CRYM: variants seen among roughly 807,000 people sequenced by gnomAD.
CRYM encodes the protein crystallin mu, also known as ketimine reductase mu-crystallin.
A neutral mutation model predicts 32.9 loss-of-function variants in CRYM; 18 were observed. The ratio of observed to expected loss-of-function variants is 0.55; its 90% confidence interval spans 0.38 to 0.81. The LOEUF is 0.81. Ranked by LOEUF, CRYM falls within the 30% of genes least tolerant of loss-of-function variation. CRYM has a pLI of 0.00. For synonymous variants in CRYM, 153 were observed against 152.4 expected (o/e 1.00, Z -0.03); for missense variants, 337 against 393.5 (o/e 0.86, Z 1.21).
chr16:21,279,317 C>A (rs1316003424), upstream of CRYM, among the ~76,000 whole-genome samples: 4 of 152,178 alleles, frequency 2.6e-5, no homozygotes, highest in East Asian at 7.7e-4. Context: ...AAATTTAGTT[C>A]AAGGTCATCC....
intron 5 of CRYM, among the ~76,000 whole-genome samples, chr16:21,263,775 C>T (rs2093358919): frequency 6.6e-6 from 1 of 152,168 alleles, no homozygotes; most frequent in Non-Finnish European, 1.5e-5. Context: ...TGAAAATGAA[C>T]AAAGCTGGTC....
upstream of CRYM, chr16:21,278,679 T>C (rs2093392680): frequency 4.6e-6 from 1 of 218,970 alleles, no homozygotes; most frequent in African/African-American, 2.4e-5. Context: ...CTTTATTTAT[T>C]AAATTACTGC....
intron 1 of CRYM, among the ~76,000 whole-genome samples, chr16:21,288,780 T>C (rs1960538731): frequency 1.3e-5 from 2 of 152,182 alleles, no homozygotes; most frequent in Non-Finnish European, 2.9e-5. Flanking sequence ...AGTTTTGGTA[T>C]ACCATATTTT....
intron 2 of CRYM, among the ~76,000 whole-genome samples, chr16:21,276,681 G>C (rs2093387257): frequency 1.3e-5 from 2 of 152,154 alleles, no homozygotes; most frequent in African/African-American, 4.8e-5. Flanking sequence ...CTCCTTCTTG[G>C]CACATAAGTG....
intron 1 of CRYM, among the ~76,000 whole-genome samples, chr16:21,296,410 A>C (rs186337238): frequency 2.2e-4 from 33 of 152,376 alleles, no homozygotes; most frequent in Middle Eastern, 6.8e-3. Context: ...AACAATTATG[A>C]AAGCAGTCCA....
intron 1 of CRYM, among the ~76,000 whole-genome samples, chr16:21,293,769 T>C (rs1239338228): frequency 6.6e-6 from 1 of 152,176 alleles, no homozygotes; most frequent in Non-Finnish European, 1.5e-5. Flanking sequence ...ACTGTATTAA[T>C]AGAAGAAGAT....
At chr16:21,288,124 G>A (rs950188250) in intron 1 of CRYM, among the ~76,000 whole-genome samples, 4 of 152,222 alleles carry the variant, frequency 2.6e-5, no homozygotes, top group Admixed American at 2.6e-4. Flanking sequence ...AGGACACCCA[G>A]TTGGGGTGTC....
chr16:21,258,973 G>C (rs2152860873), intron 7 of CRYM, 128 bp from the exon 8 acceptor site: 1 of 741,586 alleles, frequency 1.3e-6, no homozygotes, highest in Non-Finnish European at 2.4e-6. Context: ...AACAGGGACT[G>C]ATACCCAGAG....
intron 5 of CRYM, 73 bp from the exon 6 acceptor site, chr16:21,262,231 G>A (rs925625118): frequency 3.1e-6 from 5 of 1,600,544 alleles, no homozygotes; most frequent in South Asian, 1.1e-5. Context: ...AAGCACAGGA[G>A]AGAGGTGAAC....
upstream of CRYM, among the ~76,000 whole-genome samples, chr16:21,280,958 A>T (rs986137548): frequency 2.0e-5 from 3 of 152,016 alleles, no homozygotes; most frequent in African/African-American, 7.2e-5. Context: ...TACAAAAATT[A>T]GCCAGGTGTG....
rs1287241346 is a variant in CRYM at position 21,267,561 on chromosome 16, G to A, written c.666C>T (p.His222=). The change falls in exon 5 of 8, where the codon CAC becomes CAT. Residue 222 remains histidine (H), a synonymous_variant. Coordinates refer to ENST00000572914, the MANE Select transcript of CRYM (RefSeq NM_001376256.1). ...TGGAGCCACTCTACTTACCATTGAT[G>A]TGAGCCCCTGGCTTCACCCATTCAC... ...LFGEWVKPGA[H]INAVGASRPD... is the part of the protein sequence containing the mutation. 1 of 1,613,664 alleles carries A rather than the reference G, an allele frequency of 6.2e-7. No homozygotes were observed. Among genetic ancestry groups the A allele is most frequent in the Admixed American group, 1.7e-5 (1 of 60,020 alleles).
intron 4 of CRYM, among the ~76,000 whole-genome samples, chr16:21,269,454 G>T (rs1034169470): frequency 1.3e-5 from 2 of 152,074 alleles, no homozygotes; most frequent in East Asian, 3.9e-4. Flanking sequence ...TAAAAACTCT[G>T]GATTCTCCTA....
In CRYM at chr16:21,277,477, T is replaced by A. The variant is rs1339610903; in HGVS notation, c.278A>T (p.Gln93Leu). Residue 93 changes from glutamine to leucine, a missense_variant, in exon 2 of 8, where the codon CAG becomes CTG. By Grantham distance (113) the Gln-to-Leu change is moderately radical. Transcript: ENST00000572914. This position sits in a 1 kb window ranked among gnomAD's most constrained non-coding sequence, Gnocchi z 4.2. ...GGGCTCAAAGAGTAGCACAGTAGCC[T>A]GGTGGGAAGGGACGACCGAGGTGAT... is the stretch of plus-strand genomic sequence containing the variant. The part of the protein sequence containing the change: ...RGITSVVPSH[Q>L]ATVLLFEPSN... 1 of 1,613,822 alleles carries A rather than the reference T, an allele frequency of 6.2e-7. No individual in the cohort carries two copies. Among genetic ancestry groups the A allele is most frequent in the Non-Finnish European group, 8.5e-7 (1 of 1,179,988 alleles).
At chr16:21,280,084 A>G (rs2093395567), upstream of CRYM, among the ~76,000 whole-genome samples, 1 of 152,206 alleles carries the variant, frequency 6.6e-6, no homozygotes, top group Non-Finnish European at 1.5e-5. Context: ...GGGTTTAGAA[A>G]GCACAGACAT....
chr16:21,260,456 C>T (rs1036316272), intron 7 of CRYM, among the ~76,000 whole-genome samples: 8 of 152,152 alleles, frequency 5.3e-5, no homozygotes, highest in African/African-American at 1.7e-4. Flanking sequence ...TGCACCACCA[C>T]GCCTGGCTAA....
At chr16:21,278,884 G>T (rs796808966), upstream of CRYM, 3 of 152,452 alleles carry the variant, frequency 2.0e-5, no homozygotes, top group African/African-American at 7.2e-5. Flanking sequence ...AAGGGGGGAA[G>T]TTTGCAGGGC....
At chr16:21,259,940 A>G (rs10775268) in intron 7 of CRYM, among the ~76,000 whole-genome samples, 143,055 of 152,330 alleles carry the variant, frequency 0.94, 67,268 homozygotes, top group East Asian at 1. Flanking sequence ...TCCTTAAGTA[A>G]GGGCTGGCTG....
chr16:21,278,210 C>T lies in CRYM; in HGVS notation c.42G>A (p.Glu14=). 1.3e-6 allele frequency: 2 copies of T among 1,564,674 alleles called. No homozygotes were observed. Among genetic ancestry groups the T allele is most frequent in the Non-Finnish European group, 1.7e-6 (2 of 1,156,514 alleles). ...VPAFLSAAEV[E]EHLRSSSLLI... ...GGAGGCTGGAGCTGCGGAGGTGTTC[C>T]TCCACCTCGGCCGCGCTCAGGAACG... The change falls in exon 1 of 8, where the codon GAG becomes GAA. Residue 14 remains glutamate, a synonymous_variant. Coordinates refer to ENST00000572914, the MANE Select transcript of CRYM (RefSeq NM_001376256.1).
In CRYM at chr16:21,261,222, T is replaced by G. The variant is rs376663644; in HGVS notation, c.880+32A>C. ...GGGTGAACCTGCCTTGTGCGCTAGT[T>G]GGATTTGTGCCCAGGGAGCAATGGA... On this transcript the variant is annotated intron_variant, in intron 7 of 7. Transcript: ENST00000572914. 45 of 1,561,070 alleles carry G rather than the reference T, an allele frequency of 2.9e-5. No individual in the cohort carries two copies. In the African/African-American group the frequency reaches 5.6e-4, roughly 19 times the overall value.
Sources: allele counts gnomAD v4.1 joint callset (sites outside exome capture counted in the v4.1 genomes callset), GRCh38; gene constraint gnomAD v4.1.1; non-coding constraint Gnocchi (gnomAD v3.1); transcripts MANE v1.5; gene names NCBI Gene and HGNC (gene_info 2026-07-23, HGNC 2026-07-21).